The following KDM4C variants were observed in gnomAD, a reference collection of about 807,000 sequenced individuals.
The protein encoded by KDM4C is lysine-specific demethylase 4C.
Under a neutral mutation model 129.3 loss-of-function variants are expected in KDM4C, and 81 were observed. That is an observed-to-expected ratio of 0.63 (90% CI 0.52 to 0.75). The LOEUF (loss-of-function observed/expected upper bound fraction) is 0.75, where lower values mean the gene tolerates loss of function less well. Ranked by LOEUF, KDM4C falls within the 30% of genes least tolerant of loss-of-function variation. KDM4C has a pLI of 0.00. For missense variants in KDM4C, 1,457 were observed against 1,304.0 expected, an observed-to-expected ratio of 1.12 and a Z score of -1.81; for synonymous variants, 573 against 456.1, an observed-to-expected ratio of 1.26 and a Z score of -3.26.
At chr9:7,112,690 T>A (rs1356566660) in intron 18 of KDM4C, among the ~76,000 whole-genome samples, 1 of 152,236 alleles carries the variant, frequency 6.6e-6, no homozygotes, top group African/African-American at 2.4e-5. Context: ...ATCTATCCTT[T>A]CAGTTTCCTT....
intron 5 of KDM4C, among the ~76,000 whole-genome samples, chr9:6,851,304 T>G (rs528475910): frequency 1.3e-5 from 2 of 152,174 alleles, no homozygotes; most frequent in African/African-American, 2.4e-5. Context: ...TGGGCCTGGT[T>G]TGAGCACATG....
At chr9:7,066,705 C>G (rs568526871) in intron 17 of KDM4C, among the ~76,000 whole-genome samples, 2 of 152,232 alleles carry the variant, frequency 1.3e-5, no homozygotes, top group Non-Finnish European at 2.9e-5. Flanking sequence ...TAGTACTGCT[C>G]CAAATACTAT....
At chr9:7,083,998 T>C (rs890040345) in intron 17 of KDM4C, among the ~76,000 whole-genome samples, 2 of 152,208 alleles carry the variant, frequency 1.3e-5, no homozygotes, top group African/African-American at 4.8e-5. Flanking sequence ...AATTATCATC[T>C]TTGGATCCTT....
At chr9:7,071,491 A>G (rs1008204860) in intron 17 of KDM4C, among the ~76,000 whole-genome samples, 2 of 152,144 alleles carry the variant, frequency 1.3e-5, no homozygotes, top group African/African-American at 4.8e-5. Flanking sequence ...ACATACACCT[A>G]TGGTCATGTG....
At chr9:7,013,161 A>G (rs985227068) in intron 13 of KDM4C, among the ~76,000 whole-genome samples, 4 of 152,220 alleles carry the variant, frequency 2.6e-5, no homozygotes, top group African/African-American at 9.6e-5. Context: ...ATTTAATATA[A>G]AGTAATACAG....
At chr9:6,914,657 G>A (rs1317207626) in intron 8 of KDM4C, among the ~76,000 whole-genome samples, 2 of 152,204 alleles carry the variant, frequency 1.3e-5, no homozygotes, top group Non-Finnish European at 1.5e-5. Flanking sequence ...AAGCAGTGGG[G>A]CCTGTAGTAA....
Position 6,919,632 on chromosome 9 carries a change from A to G in KDM4C, c.921+26400A>G, listed in dbSNP as rs554741061. ...CTCTTGTTGCCCAGGCTGGAGTGCA[A>G]TGGCGCGATCTTGGCTCCCTGCAAT... On this transcript the variant is annotated intron_variant, in intron 8 of 21. Coordinates refer to ENST00000381309, the MANE Select transcript of KDM4C (RefSeq NM_015061.6). 2.6e-5 allele frequency among the ~76,000 whole-genome samples: 4 copies of G among 151,210 alleles called. No homozygotes were observed. The East Asian group carries it at 7.8e-4, about 30-fold the overall frequency.
At chr9:7,072,366 G>C (rs1487865453) in intron 17 of KDM4C, among the ~76,000 whole-genome samples, 1 of 152,092 alleles carries the variant, frequency 6.6e-6, no homozygotes, top group African/African-American at 2.4e-5. Flanking sequence ...AAAAATGGAA[G>C]CAACTCAGTG....
rs751388183 is a variant in KDM4C, at chr9:7,168,017, A to G, written c.2902-1781A>G. 1.2e-4 allele frequency among the ~76,000 whole-genome samples: 18 copies of G among 151,258 alleles called. No individual in the cohort carries two copies. The East Asian group carries it at 2.5e-3, about 21-fold the overall frequency. The stretch of plus-strand genomic sequence containing the variant: ...GCCAACGTGGTGCAACCCCGTCTCT[A>G]CTAAAAAAATGTATAAAAATTAGCC... On this transcript the variant is annotated intron_variant, in intron 20 of 21. Coordinates refer to ENST00000381309, the MANE Select transcript of KDM4C (RefSeq NM_015061.6).
intron 15 of KDM4C, 116 bp from the exon 16 acceptor site, chr9:7,046,746 C>T: frequency 1.3e-6 from 1 of 790,146 alleles, no homozygotes; most frequent in Non-Finnish European, 2.2e-6. Flanking sequence ...TCATGTAATT[C>T]CTGATGGTTT....
intron 8 of KDM4C, among the ~76,000 whole-genome samples, chr9:6,916,317 G>T (rs1488863818): frequency 6.6e-6 from 1 of 152,036 alleles, no homozygotes; most frequent in Non-Finnish European, 1.5e-5. Flanking sequence ...CTGAAGGACA[G>T]TGGTAAAAAT....
chr9:6,939,203 G>T (rs1478319145), intron 8 of KDM4C, among the ~76,000 whole-genome samples: 2 of 151,956 alleles, frequency 1.3e-5, no homozygotes, highest in African/African-American at 4.8e-5. Flanking sequence ...TACTGCCTGA[G>T]CTCCACCTCC....
At chr9:7,167,187 G>A (rs915047943) in intron 20 of KDM4C, among the ~76,000 whole-genome samples, 11 of 152,062 alleles carry the variant, frequency 7.2e-5, no homozygotes, top group Non-Finnish European at 1.6e-4. Context: ...TAATTTGTCC[G>A]AGAGCACGCA....
At chr9:6,875,561 C>G (rs1757328108) in intron 5 of KDM4C, among the ~76,000 whole-genome samples, 2 of 152,068 alleles carry the variant, frequency 1.3e-5, no homozygotes, top group South Asian at 4.1e-4. Flanking sequence ...AGATAAGTAT[C>G]CCAGAGTTGA....
chr9:6,844,642 A>G (rs1475692529), intron 4 of KDM4C, among the ~76,000 whole-genome samples: 4 of 152,230 alleles, frequency 2.6e-5, no homozygotes, highest in Non-Finnish European at 5.9e-5. Flanking sequence ...CTTAAGAGCT[A>G]GAGTTAAAGA....
intron 17 of KDM4C, among the ~76,000 whole-genome samples, chr9:7,102,168 T>C (rs1837164632): frequency 6.6e-6 from 1 of 152,186 alleles, no homozygotes; most frequent in African/African-American, 2.4e-5. Flanking sequence ...TTAAAAATGC[T>C]TAATTGTACA....
At chr9:6,807,609 C>A (rs576159589) in intron 3 of KDM4C, among the ~76,000 whole-genome samples, 7 of 150,606 alleles carry the variant, frequency 4.6e-5, no homozygotes, top group African/African-American at 1.7e-4. Context: ...TTCTGCCCAG[C>A]CGCCCCGTCT....
At position 7,132,249 on chromosome 9, in the gene KDM4C, G is replaced by C. The variant is rs1462986683; in HGVS notation, c.2781+4013G>C. Among the ~76,000 whole-genome samples, 3 of 152,194 alleles carry C rather than the reference G, an allele frequency of 2.0e-5. No individual in the cohort carries two copies. In the East Asian group the frequency reaches 5.8e-4, roughly 29 times the overall value. ...AGAAAGTTACATTCCCATATTTATA[G>C]AGTTGATGATTACAAATCATTTCAT... On this transcript the variant is annotated intron_variant, in intron 19 of 21. Coordinates refer to ENST00000381309, the MANE Select transcript of KDM4C (RefSeq NM_015061.6).
intron 4 of KDM4C, among the ~76,000 whole-genome samples, chr9:6,828,784 T>A (rs919840371): frequency 6.6e-6 from 1 of 151,990 alleles, no homozygotes; most frequent in Non-Finnish European, 1.5e-5. Flanking sequence ...GGCAGGAGAA[T>A]TGTTTGAACC....
Sources: gnomAD v4.1 joint callset for allele counts (sites outside exome capture counted in the v4.1 genomes callset) on GRCh38, gnomAD v4.1.1 for gene constraint, MANE v1.5 for transcripts, NCBI Gene and HGNC (gene_info 2026-07-23, HGNC 2026-07-21) for gene names.